Variants in NEGR1 observed in about 807,000 individuals in gnomAD.
NEGR1 encodes IgLON family member 4.
In NEGR1, 10 loss-of-function variants were observed where a neutral mutation model predicts 40.9. The observed-to-expected ratio is 0.24, with a 90% CI of 0.15 to 0.42. The LOEUF (loss-of-function observed/expected upper bound fraction) is 0.42, where lower values mean the gene tolerates loss of function less well. NEGR1 is among the 10% of genes least tolerant of loss of function. The pLI is 1.00. For missense variants in NEGR1, 352 were observed against 438.9 expected (o/e 0.80, Z 1.77); for synonymous variants, 185 against 166.8 (o/e 1.11, Z -0.84).
At chr1:71,464,219 G>C (rs965979123) in intron 6 of NEGR1, among the ~76,000 whole-genome samples, 1 of 152,072 alleles carries the variant, frequency 6.6e-6, no homozygotes, top group Admixed American at 6.6e-5. Flanking sequence ...TCAAGTCAGG[G>C]ATGCAAAAGT....
chr1:72,125,045 G>A (rs1355791512), intron 1 of NEGR1, among the ~76,000 whole-genome samples: 1 of 151,958 alleles, frequency 6.6e-6, no homozygotes, highest in African/African-American at 2.4e-5. Flanking sequence ...TGTCATCACT[G>A]TACGTCACTC....
chr1:71,501,716 T>C (rs1005027942), intron 6 of NEGR1, among the ~76,000 whole-genome samples: 1 of 152,156 alleles, frequency 6.6e-6, no homozygotes, highest in African/African-American at 2.4e-5. Flanking sequence ...GAAAAAATAA[T>C]GTTCATAAAA....
intron 1 of NEGR1, among the ~76,000 whole-genome samples, chr1:72,154,722 G>T (rs1186322404): frequency 6.6e-6 from 1 of 151,750 alleles, no homozygotes; most frequent in African/African-American, 2.4e-5. Context: ...ATACCTTTAG[G>T]TTAATATTCT....
chr1:71,591,892 T>C (rs932547074), intron 6 of NEGR1, among the ~76,000 whole-genome samples: 6 of 152,218 alleles, frequency 3.9e-5, no homozygotes, highest in Non-Finnish European at 8.8e-5. Context: ...AGAAATGATA[T>C]TTATGATGAA....
At position 71,399,741 on chromosome 1, in the gene NEGR1, A is replaced by G. The variant is rs1394255189; in HGVS notation, c.*7705T>C. The G allele has an allele frequency of 6.6e-6, 1 of 152,188 alleles. No homozygotes were observed. Among genetic ancestry groups the G allele is most frequent in the Non-Finnish European group, 1.5e-5 (1 of 68,038 alleles). 9.4% of individuals were successfully genotyped at this position (152,188 alleles called of 1,614,324 possible). A position where few individuals can be genotyped will look rare whatever the true frequency, so the allele number is the denominator to read the frequency against. The stretch of plus-strand genomic sequence containing the variant: ...GAGTATGTCAAAAATGAGCTATTGA[A>G]CACATTTTTGCCAGGTCACTTGTCA... On this transcript the variant is annotated 3_prime_UTR_variant, in exon 7 of 7. Coordinates refer to ENST00000357731, the MANE Select transcript of NEGR1 (RefSeq NM_173808.3).
At chr1:71,782,750 A>T (rs1656761796) in intron 2 of NEGR1, among the ~76,000 whole-genome samples, 2 of 152,134 alleles carry the variant, frequency 1.3e-5, no homozygotes, top group Non-Finnish European at 2.9e-5. Context: ...AAGTTCTGAG[A>T]ATATGGTGAA....
chr1:71,434,157 GACAA>G (rs1276695603), intron 6 of NEGR1, among the ~76,000 whole-genome samples: 2 of 152,006 alleles, frequency 1.3e-5, no homozygotes, highest in Non-Finnish European at 2.9e-5. Context: ...AAAACTGGCA[GACAA>G]ACTGTGTAGC....
At chr1:72,197,924 T>C (rs1350269175) in intron 1 of NEGR1, among the ~76,000 whole-genome samples, 1 of 152,086 alleles carries the variant, frequency 6.6e-6, no homozygotes, top group Non-Finnish European at 1.5e-5. Flanking sequence ...TAATTCAGTA[T>C]TTTCCTTTGC....
At chr1:71,849,750 C>T (rs1016609233) in intron 2 of NEGR1, among the ~76,000 whole-genome samples, 6 of 152,158 alleles carry the variant, frequency 3.9e-5, no homozygotes, top group African/African-American at 1.4e-4. Context: ...CCCCCATCAA[C>T]ATGGAGGCAA....
chr1:71,402,577 T>C lies in NEGR1; in HGVS notation c.*4869A>G, dbSNP rs1646253521. On this transcript the variant is annotated 3_prime_UTR_variant, in exon 7 of 7. Transcript: ENST00000357731. ...CAATTCTGAAATACTTTTGAGTAAG[T>C]TTGGAATTACTAGAAAAACAGTGAA... The C allele has an allele frequency of 6.6e-6, 1 of 152,178 alleles. No homozygotes were observed. The highest frequency in any genetic ancestry group is 2.1e-4 in the South Asian group (1 of 4,836). 9.4% of individuals were successfully genotyped at this position (152,178 alleles called of 1,614,324 possible).
At chr1:71,816,132 G>A (rs1445139689) in intron 2 of NEGR1, among the ~76,000 whole-genome samples, 1 of 152,018 alleles carries the variant, frequency 6.6e-6, no homozygotes, top group Non-Finnish European at 1.5e-5. Flanking sequence ...TTATGTACTT[G>A]CTGTTTGGTC....
In NEGR1 at chr1:72,148,279, C is replaced by CTGCGA. The variant is rs1570041732; in HGVS notation, c.176+134039_176+134040insTCGCA. Among the ~76,000 whole-genome samples the CTGCGA allele has an allele frequency of 3.3e-5, 5 of 152,162 alleles. No individual in the cohort carries two copies. The East Asian group carries it at 9.7e-4, about 29-fold the overall frequency. On this transcript the variant is annotated intron_variant, in intron 1 of 6. Transcript: ENST00000357731. ...CTCCAATTCTTGACCTGTGCACCCG[C>CTGCGA]AGGCTCAACACCACATAGAAGCTGC...
At chr1:72,022,044 AGAATGGCGT>A (rs1465622868) in intron 1 of NEGR1, among the ~76,000 whole-genome samples, 1 of 151,940 alleles carries the variant, frequency 6.6e-6, no homozygotes, top group Non-Finnish European at 1.5e-5. Context: ...CTGAGGCAGG[AGAATGGCGT>A]GAACCCGGGA....
intron 6 of NEGR1, among the ~76,000 whole-genome samples, chr1:71,467,720 C>A (rs1462498143): frequency 6.6e-5 from 10 of 151,726 alleles, no homozygotes; most frequent in African/African-American, 2.4e-4. Context: ...CTATTTGAAG[C>A]AAATTGCTTG....
At chr1:72,137,715 A>C (rs967485342) in intron 1 of NEGR1, among the ~76,000 whole-genome samples, 8 of 152,126 alleles carry the variant, frequency 5.3e-5, no homozygotes, top group Non-Finnish European at 1.0e-4. Flanking sequence ...CCAGAACTTA[A>C]ACTATAATAA....
In NEGR1 at chr1:71,406,216, T is replaced by C. The variant is rs900834562; in HGVS notation, c.*1230A>G. On this transcript the variant is annotated 3_prime_UTR_variant, in exon 7 of 7. Coordinates refer to ENST00000357731, the MANE Select transcript of NEGR1 (RefSeq NM_173808.3). The stretch of plus-strand genomic sequence containing the variant: ...TAGAGATTGGTCTGCTACATACCGA[T>C]ATAGAATGTTTGTTATAATATATTT... 1.3e-5 allele frequency: 2 copies of C among 152,084 alleles called. No individual in the cohort carries two copies. Among genetic ancestry groups the C allele is most frequent in the African/African-American group, 4.8e-5 (2 of 41,568 alleles). 9.4% of individuals were successfully genotyped at this position (152,084 alleles called of 1,614,324 possible).
intron 4 of NEGR1, among the ~76,000 whole-genome samples, chr1:71,696,280 C>T (rs892186110): frequency 1.1e-4 from 16 of 151,696 alleles, no homozygotes; most frequent in African/African-American, 3.6e-4. Context: ...TAAGTGGCAA[C>T]AAACTAAAGT....
intron 1 of NEGR1, among the ~76,000 whole-genome samples, chr1:72,026,176 A>G (rs1309243915): frequency 6.6e-6 from 1 of 150,702 alleles, no homozygotes; most frequent in Non-Finnish European, 1.5e-5. Context: ...TCATTGGATC[A>G]AATAAAGTAT....
intron 1 of NEGR1, among the ~76,000 whole-genome samples, chr1:71,986,226 G>T (rs991133020): frequency 1.3e-5 from 2 of 152,174 alleles, no homozygotes; most frequent in East Asian, 1.9e-4. Context: ...CTAAATCCAG[G>T]ATATTTATCA....
Sources: gnomAD v4.1 joint callset for allele counts (sites outside exome capture counted in the v4.1 genomes callset) on GRCh38, gnomAD v4.1.1 for gene constraint, MANE v1.5 for transcripts, NCBI Gene and HGNC (gene_info 2026-07-23, HGNC 2026-07-21) for gene names.